OSBPL1A: variants seen among roughly 807,000 people sequenced by gnomAD.
OSBPL1A encodes the protein oxysterol binding protein like 1A.
Under a neutral mutation model 137.1 loss-of-function variants are expected in OSBPL1A, and 80 were observed. The observed-to-expected ratio is 0.58, with a 90% CI of 0.49 to 0.70. OSBPL1A has a LOEUF of 0.70. Among genes scored for constraint, OSBPL1A ranks in the 30% least tolerant of loss-of-function variants. OSBPL1A has a pLI of 0.00. For missense variants in OSBPL1A, 970 were observed against 1,129.4 expected, an observed-to-expected ratio of 0.86 and a Z score of 2.02; for synonymous variants, 365 against 389.7, an observed-to-expected ratio of 0.94 and a Z score of 0.75.
chr18:24,306,716 A>T (rs2090507918), intron 13 of OSBPL1A, among the ~76,000 whole-genome samples: 1 of 152,210 alleles, frequency 6.6e-6, no homozygotes, highest in Non-Finnish European at 1.5e-5. Context: ...AATGTTCTCT[A>T]TCTTGATAGG....
Position 24,332,961 on chromosome 18 carries a change from A to C in OSBPL1A, c.606T>G (p.Pro202=), listed in dbSNP as rs147902133. The change falls in exon 7 of 28, where the codon CCT becomes CCG. Residue 202 remains proline (P), a synonymous_variant. Coordinates refer to ENST00000319481, the MANE Select transcript of OSBPL1A (RefSeq NM_080597.4). ...ALKLLRSGAD[P]NLKNKNDQKP... ...GCTTACCATTTTTGTTCTTCAGATTAGGGTCTGCTCCACTTCTTAGAAGCT... is the reference window on the plus strand; with the variant it reads ...GCTTACCATTTTTGTTCTTCAGATTCGGGTCTGCTCCACTTCTTAGAAGCT... The C allele has an allele frequency of 1.9e-6, 3 of 1,614,124 alleles. No homozygotes were observed. The highest frequency in any genetic ancestry group is 2.5e-6 in the Non-Finnish European group (3 of 1,179,998).
In OSBPL1A at chr18:24,336,369, T is replaced by C. The variant is rs577664639; in HGVS notation, c.395-2039A>G. ...ATGGAGTTGAAAATACTATATATGT[T>C]CTTAGATTATGTTCCTGTCCTGTAT... On this transcript the variant is annotated intron_variant, in intron 5 of 27. Transcript: ENST00000319481. 4.6e-5 allele frequency among the ~76,000 whole-genome samples: 7 copies of C among 152,264 alleles called. No homozygotes were observed. The South Asian group carries it at 1.2e-3, about 27-fold the overall frequency.
chr18:24,183,791 T>C (rs529767265), intron 18 of OSBPL1A, among the ~76,000 whole-genome samples: 61 of 152,314 alleles, frequency 4.0e-4, no homozygotes, highest in Middle Eastern at 3.4e-3. Context: ...TCATTACACC[T>C]TCACTGTGTT....
chr18:24,371,142 C>G (rs542173495), intron 2 of OSBPL1A, among the ~76,000 whole-genome samples: 1 of 152,248 alleles, frequency 6.6e-6, no homozygotes, highest in Non-Finnish European at 1.5e-5. Context: ...GTACAACGAG[C>G]CCAGTTTCTC....
chr18:24,382,587 T>A (rs1417026154), intron 1 of OSBPL1A, among the ~76,000 whole-genome samples: 4 of 151,472 alleles, frequency 2.6e-5, no homozygotes, highest in Non-Finnish European at 4.4e-5. Flanking sequence ...AAATTTTTTT[T>A]AATAAAAATA....
intron 5 of OSBPL1A, among the ~76,000 whole-genome samples, chr18:24,335,858 C>G (rs2091166632): frequency 6.6e-6 from 1 of 152,256 alleles, no homozygotes; most frequent in African/African-American, 2.4e-5. Context: ...TTACCTTTGT[C>G]TTAAGAAATG....
chr18:24,239,626 G>A (rs964860231), intron 15 of OSBPL1A, among the ~76,000 whole-genome samples: 1 of 152,048 alleles, frequency 6.6e-6, no homozygotes, highest in African/African-American at 2.4e-5. Flanking sequence ...AATAAATTCA[G>A]CTCAAATGAT....
intron 15 of OSBPL1A, among the ~76,000 whole-genome samples, chr18:24,268,409 T>C (rs1360577592): frequency 2.0e-5 from 3 of 152,168 alleles, no homozygotes; most frequent in Non-Finnish European, 4.4e-5. Context: ...TGTGAGCCAC[T>C]GCACCTGGCC....
At chr18:24,165,299 A>C in intron 26 of OSBPL1A, 144 bp from the exon 27 acceptor site, 1 of 760,100 alleles carries the variant, frequency 1.3e-6, no homozygotes, top group Non-Finnish European at 2.1e-6. Context: ...ATCAAATATC[A>C]AGCAAAAATT....
intron 4 of OSBPL1A, chr18:24,358,285 TAA>T (rs1481390774): frequency 1.7e-6 from 1 of 593,030 alleles, no homozygotes; most frequent in African/African-American, 1.9e-5. Flanking sequence ...TCCCAGTGTA[TAA>T]AGGCCTGGCT....
chr18:24,325,167 G>C (rs914845912), intron 7 of OSBPL1A, among the ~76,000 whole-genome samples: 5 of 152,090 alleles, frequency 3.3e-5, no homozygotes, highest in Admixed American at 3.3e-4. Flanking sequence ...GAAAAGGAAA[G>C]ATTACTTGAT....
At chr18:24,353,624 T>C (rs534870149) in intron 4 of OSBPL1A, among the ~76,000 whole-genome samples, 1 of 151,248 alleles carries the variant, frequency 6.6e-6, no homozygotes, top group African/African-American at 2.4e-5. Flanking sequence ...CACATGTATG[T>C]TTATTGCAGC....
intron 7 of OSBPL1A, among the ~76,000 whole-genome samples, chr18:24,327,492 C>T (rs1239110927): frequency 6.6e-6 from 1 of 152,138 alleles, no homozygotes; most frequent in Non-Finnish European, 1.5e-5. Flanking sequence ...TCACTGCAAC[C>T]TCCGTCTCCT....
Position 24,225,034 on chromosome 18 carries a change from G to T in OSBPL1A, c.1601+8C>A. On this transcript the variant is annotated splice_region_variant and intron_variant, in intron 17 of 27. Transcript: ENST00000319481. ...CGCAGCAGTGACAACTGTCAGAGGC[G>T]ATCCTACCTGTGTTTCTTGATGCCA... 6.2e-7 allele frequency: 1 copy of T among 1,613,978 alleles called. No homozygotes were observed.
At chr18:24,269,897 A>C (rs923167133) in intron 15 of OSBPL1A, among the ~76,000 whole-genome samples, 8 of 94,144 alleles carry the variant, frequency 8.5e-5, no homozygotes, top group Non-Finnish European at 1.4e-4. Flanking sequence ...ATGCTAATTA[A>C]AACCTTATGT....
intron 4 of OSBPL1A, among the ~76,000 whole-genome samples, chr18:24,361,096 T>G (rs1341667663): frequency 6.6e-6 from 1 of 152,178 alleles, no homozygotes; most frequent in Non-Finnish European, 1.5e-5. Flanking sequence ...GTGGCACAAC[T>G]GCGGCTCACT....
chr18:24,188,931 C>G (rs2086820568), intron 18 of OSBPL1A, among the ~76,000 whole-genome samples: 1 of 152,134 alleles, frequency 6.6e-6, no homozygotes. Context: ...TGTATACAAC[C>G]AATATGTGTG....
In OSBPL1A at chr18:24,168,749, C is replaced by T. The variant is rs187703728; in HGVS notation, c.2419-1304G>A. Among the ~76,000 whole-genome samples the T allele has an allele frequency of 2.4e-3, 358 of 152,226 alleles. 3 individuals carry two copies. The highest frequency in any genetic ancestry group is 8.3e-3 in the African/African-American group (343 of 41,532). ...GTCTGTGTTCAGGAACGTCAGAAAT[C>T]CATGGTAGGCAGATGACAGGAACAC... On this transcript the variant is annotated intron_variant, in intron 24 of 27. Transcript: ENST00000319481.
intron 14 of OSBPL1A, among the ~76,000 whole-genome samples, chr18:24,287,721 G>A (rs1214433530): frequency 6.6e-6 from 1 of 151,202 alleles, no homozygotes; most frequent in Admixed American, 6.6e-5. Flanking sequence ...GTAGTGAGCC[G>A]AGATCGTGCC....
Sources: gnomAD v4.1 joint callset for allele counts (sites outside exome capture counted in the v4.1 genomes callset) on GRCh38, gnomAD v4.1.1 for gene constraint, MANE v1.5 for transcripts, NCBI Gene and HGNC (gene_info 2026-07-23, HGNC 2026-07-21) for gene names.